Variants in EPHB1 observed in about 807,000 individuals in gnomAD.
EPHB1 encodes the protein ephrin type-B receptor 1.
A neutral mutation model predicts 94.4 loss-of-function variants in EPHB1; 30 were observed. The ratio of observed to expected loss-of-function variants is 0.32; its 90% CI spans 0.24 to 0.43. The LOEUF (loss-of-function observed/expected upper bound fraction) is 0.43, where lower values mean the gene tolerates loss of function less well. Among genes scored for constraint, EPHB1 ranks in the 20% least tolerant of loss-of-function variants. The pLI, the probability that EPHB1 is intolerant of heterozygous loss-of-function variation, is 1.00. For missense variants in EPHB1, 1,055 were observed against 1,308.3 expected (o/e 0.81, Z 2.99); for synonymous variants, 522 against 489.1 (o/e 1.07, Z -0.89).
intron 3 of EPHB1, among the ~76,000 whole-genome samples, chr3:135,062,409 C>T (rs1158296720): frequency 6.6e-6 from 1 of 152,004 alleles, no homozygotes; most frequent in African/African-American, 2.4e-5. Flanking sequence ...TGGTGTTGCA[C>T]TGTGGTTTTG....
At chr3:134,962,352 C>T (rs1238442219) in intron 3 of EPHB1, among the ~76,000 whole-genome samples, 1 of 152,110 alleles carries the variant, frequency 6.6e-6, no homozygotes, top group Non-Finnish European at 1.5e-5. Context: ...CTCTTCTGTC[C>T]CATTCCCTCC....
intron 3 of EPHB1, among the ~76,000 whole-genome samples, chr3:135,035,004 C>T (rs545692234): frequency 1.2e-4 from 19 of 152,382 alleles, no homozygotes; most frequent in Middle Eastern, 3.4e-3. Flanking sequence ...TGAGTGCTCA[C>T]ATGCTACCCA....
intron 3 of EPHB1, among the ~76,000 whole-genome samples, chr3:135,004,525 G>C (rs7621262): frequency 1.3e-5 from 2 of 152,112 alleles, no homozygotes; most frequent in Non-Finnish European, 2.9e-5. Context: ...GATTTGGGAA[G>C]TTCTCCTGGA....
chr3:134,863,355 G>A (rs536835975), intron 1 of EPHB1, among the ~76,000 whole-genome samples: 5 of 152,324 alleles, frequency 3.3e-5, no homozygotes, highest in Middle Eastern at 3.4e-3. Flanking sequence ...GAAGTCAAGA[G>A]TTTAAGTTAA....
At chr3:135,024,331 T>C (rs1936074053) in intron 3 of EPHB1, among the ~76,000 whole-genome samples, 2 of 152,226 alleles carry the variant, frequency 1.3e-5, no homozygotes, top group Admixed American at 6.5e-5. Context: ...TGTCACAAAC[T>C]GTTGGGTGGA....
chr3:134,961,911 A>T (rs1451693704), intron 3 of EPHB1, among the ~76,000 whole-genome samples: 1 of 152,220 alleles, frequency 6.6e-6, no homozygotes, highest in African/African-American at 2.4e-5. Flanking sequence ...GAGAAAAATT[A>T]ATTTATTTAT....
chr3:134,928,950 C>G (rs1455709984), intron 2 of EPHB1, among the ~76,000 whole-genome samples: 2 of 151,974 alleles, frequency 1.3e-5, no homozygotes, highest in Non-Finnish European at 2.9e-5. Flanking sequence ...TTAAACATTT[C>G]CACTGGGTTT....
intron 1 of EPHB1, chr3:134,796,481 ACT>A (rs1482617616): frequency 2.0e-5 from 3 of 152,070 alleles, no homozygotes; most frequent in African/African-American, 7.2e-5. Context: ...GGGCAGCGTC[ACT>A]CTCTGCCAGC....
At chr3:135,218,764 A>G (rs185415631) in intron 12 of EPHB1, among the ~76,000 whole-genome samples, 9 of 152,362 alleles carry the variant, frequency 5.9e-5, no homozygotes, top group South Asian at 2.1e-4. Context: ...CTTCCTAGCA[A>G]AAAAAGACAG....
intron 11 of EPHB1, among the ~76,000 whole-genome samples, chr3:135,196,456 G>T (rs1267261999): frequency 6.6e-6 from 1 of 152,134 alleles, no homozygotes; most frequent in Non-Finnish European, 1.5e-5. Flanking sequence ...AGCAGGCAGT[G>T]CCAGGAGGAG....
chr3:134,911,146 C>A (rs940656950), intron 1 of EPHB1, among the ~76,000 whole-genome samples: 1 of 152,196 alleles, frequency 6.6e-6, no homozygotes, highest in Non-Finnish European at 1.5e-5. Context: ...CTGAATCATG[C>A]AGCAGGAAAG....
intron 6 of EPHB1, among the ~76,000 whole-genome samples, chr3:135,156,629 G>A (rs1401354002): frequency 2.0e-5 from 3 of 152,202 alleles, no homozygotes; most frequent in Admixed American, 6.5e-5. Flanking sequence ...GAACTTGCAA[G>A]CAAGGTGGAG....
At chr3:134,871,640 C>T (rs986095888) in intron 1 of EPHB1, among the ~76,000 whole-genome samples, 4 of 152,138 alleles carry the variant, frequency 2.6e-5, no homozygotes, top group Non-Finnish European at 5.9e-5. Flanking sequence ...TGGGTGATCT[C>T]AGCCAATCTT....
chr3:134,854,166 C>T (rs2037055521), intron 1 of EPHB1, among the ~76,000 whole-genome samples: 4 of 152,066 alleles, frequency 2.6e-5, no homozygotes, highest in South Asian at 2.1e-4. Context: ...AGTAATTGTG[C>T]GATAGGAGAG....
At chr3:135,120,626 C>G (rs2107805747) in intron 4 of EPHB1, among the ~76,000 whole-genome samples, 1 of 152,306 alleles carries the variant, frequency 6.6e-6, no homozygotes, top group African/African-American at 2.4e-5. Context: ...GGAAAGTATA[C>G]TTACCTTTTT....
At chr3:134,928,211 C>T (rs1478125971) in intron 2 of EPHB1, among the ~76,000 whole-genome samples, 1 of 152,208 alleles carries the variant, frequency 6.6e-6, no homozygotes, top group African/African-American at 2.4e-5. Flanking sequence ...GAAACTGATT[C>T]TTGACTTCTC....
intron 3 of EPHB1, among the ~76,000 whole-genome samples, chr3:135,097,744 T>C (rs1938858040): frequency 6.6e-6 from 1 of 152,204 alleles, no homozygotes; most frequent in South Asian, 2.1e-4. Context: ...GCACAGGCCA[T>C]TACAGCTGGC....
At chr3:135,067,063 T>C (rs1051173949) in intron 3 of EPHB1, among the ~76,000 whole-genome samples, 7 of 152,140 alleles carry the variant, frequency 4.6e-5, no homozygotes, top group African/African-American at 1.7e-4. Flanking sequence ...CTCTCAGCCG[T>C]GGATACCAGC....
At chr3:135,039,502 G>C (rs928545565) in intron 3 of EPHB1, among the ~76,000 whole-genome samples, 2 of 152,236 alleles carry the variant, frequency 1.3e-5, no homozygotes, top group Non-Finnish European at 2.9e-5. Context: ...GGGGAGGCTC[G>C]GGCTGCACAG....
Sources: allele counts gnomAD v4.1 joint callset (sites outside exome capture counted in the v4.1 genomes callset), GRCh38; gene constraint gnomAD v4.1.1; transcripts MANE v1.5; gene names NCBI Gene and HGNC (gene_info 2026-07-23, HGNC 2026-07-21).